Variants in PRR16 observed in about 807,000 individuals in gnomAD.
PRR16 encodes proline rich 16.
PRR16 carries 6 observed loss-of-function variants against 18.2 expected under a neutral mutation model. That is an observed-to-expected ratio of 0.33 (90% CI 0.18 to 0.65). The LOEUF is 0.65. PRR16 is among the 30% of genes least tolerant of loss of function. PRR16 has a pLI of 0.74. For synonymous variants in PRR16, 151 were observed against 147.8 expected, an observed-to-expected ratio of 1.02 and a Z score of -0.16; for missense variants, 412 against 376.6, an observed-to-expected ratio of 1.09 and a Z score of -0.78.
chr5:120,698,471 T>C, the PRR16 span, among the ~76,000 whole-genome samples: 13 of 146,636 alleles, frequency 8.9e-5, no homozygotes, highest in African/African-American at 3.3e-4. Context: ...GGTTTGGGGA[T>C]AGCACCAGGA....
chr5:120,655,388 T>TA (rs1554092374), intron 1 of PRR16, among the ~76,000 whole-genome samples: 87,597 of 143,200 alleles, frequency 0.61, 27,651 homozygotes, highest in Non-Finnish European at 0.68. Flanking sequence ...TTTTTTTTTT[T>TA]AAAAAAAAAG....
At chr5:120,524,558 G>C (rs1751291177) in intron 1 of PRR16, among the ~76,000 whole-genome samples, 1 of 151,944 alleles carries the variant, frequency 6.6e-6, no homozygotes, top group Admixed American at 6.6e-5. Flanking sequence ...GGAGGAAGTG[G>C]GGATGGTTAA....
intron 1 of PRR16, among the ~76,000 whole-genome samples, chr5:120,586,671 ATGT>A (rs1440017107): frequency 6.6e-6 from 1 of 152,092 alleles, no homozygotes. Flanking sequence ...TAATTGAGAA[ATGT>A]TGTGTATGTT....
At chr5:120,747,538 G>A in the PRR16 span, among the ~76,000 whole-genome samples, 4 of 152,218 alleles carry the variant, frequency 2.6e-5, no homozygotes, top group African/African-American at 9.6e-5. Context: ...ATGGCCAGTG[G>A]TAGATATTAC....
At position 120,474,297 on chromosome 5, in the gene PRR16, G is replaced by T. The variant is rs1416786030; in HGVS notation, c.159+9652G>T. 3.3e-5 allele frequency among the ~76,000 whole-genome samples: 5 copies of T among 152,030 alleles called. No homozygotes were observed. The East Asian group carries it at 7.7e-4, about 23-fold the overall frequency. ...TGAGTGGATAATTCTTTGTTGGGGG[G>T]ATTGTCCTGTGCATTGTAGGATGGT... On this transcript the variant is annotated intron_variant, in intron 1 of 1. Coordinates refer to ENST00000407149, the MANE Select transcript of PRR16 (RefSeq NM_001300783.2).
chr5:120,619,096 G>T (rs1017528765), intron 1 of PRR16, among the ~76,000 whole-genome samples: 10 of 152,022 alleles, frequency 6.6e-5, no homozygotes, highest in African/African-American at 2.2e-4. Context: ...ATGTTGTTTG[G>T]GGATGAAAAG....
intron 1 of PRR16, among the ~76,000 whole-genome samples, chr5:120,648,648 T>C (rs1401629606): frequency 6.6e-6 from 1 of 152,164 alleles, no homozygotes; most frequent in African/African-American, 2.4e-5. Flanking sequence ...CAAATATCTT[T>C]AAAGAGAACC....
chr5:120,766,377 A>G, the PRR16 span, among the ~76,000 whole-genome samples: 5 of 151,918 alleles, frequency 3.3e-5, no homozygotes, highest in East Asian at 9.6e-4. Context: ...AAACACATCT[A>G]TTGGCCATTT....
chr5:120,768,235 G>A, the PRR16 span, among the ~76,000 whole-genome samples: 4 of 151,646 alleles, frequency 2.6e-5, no homozygotes, highest in African/African-American at 9.7e-5. Flanking sequence ...CTTGTTTTCA[G>A]TGATTGTAGA....
chr5:120,464,975 G>C (rs1167731076), intron 1 of PRR16, among the ~76,000 whole-genome samples: 1 of 152,130 alleles, frequency 6.6e-6, no homozygotes, highest in Non-Finnish European at 1.5e-5. Context: ...AGGAAGTCGT[G>C]AGCAGCCCGG....
intron 1 of PRR16, among the ~76,000 whole-genome samples, chr5:120,588,352 C>T (rs139525373): frequency 5.3e-5 from 8 of 152,232 alleles, no homozygotes; most frequent in East Asian, 3.9e-4. Context: ...TCATGCTACA[C>T]GTAAGTCTTT....
At chr5:120,785,569 G>GTTTT in the PRR16 span, among the ~76,000 whole-genome samples, 2 of 99,606 alleles carry the variant, frequency 2.0e-5, no homozygotes, top group African/African-American at 7.6e-5. Context: ...GTGTTTTGTT[G>GTTTT]TTGTTGTTTT....
the PRR16 span, among the ~76,000 whole-genome samples, chr5:120,746,840 G>C: frequency 6.6e-6 from 1 of 152,044 alleles, no homozygotes; most frequent in Admixed American, 6.6e-5. Flanking sequence ...CACAATTTGA[G>C]AACAAATGAA....
intron 1 of PRR16, among the ~76,000 whole-genome samples, chr5:120,666,371 G>T (rs1179515664): frequency 6.6e-6 from 1 of 151,860 alleles, no homozygotes; most frequent in Non-Finnish European, 1.5e-5. Context: ...GAGACAATGG[G>T]GTTTTCTAGA....
At chr5:120,575,843 A>C (rs1561553716) in intron 1 of PRR16, among the ~76,000 whole-genome samples, 1 of 152,196 alleles carries the variant, frequency 6.6e-6, no homozygotes, top group Non-Finnish European at 1.5e-5. Context: ...TCAAATTAGC[A>C]AGGAGGAAGT....
chr5:120,485,656 T>A (rs1349504273), intron 1 of PRR16, among the ~76,000 whole-genome samples: 5 of 152,268 alleles, frequency 3.3e-5, no homozygotes, highest in African/African-American at 4.8e-5. Context: ...TTATTTTTTT[T>A]TTATTATTAT....
the PRR16 span, among the ~76,000 whole-genome samples, chr5:120,770,854 G>C: frequency 6.6e-6 from 1 of 150,860 alleles, no homozygotes; most frequent in African/African-American, 2.4e-5. Flanking sequence ...TCATCTTTTT[G>C]CAAGGACATA....
At chr5:120,785,977 TAAA>T in the PRR16 span, among the ~76,000 whole-genome samples, 1 of 148,548 alleles carries the variant, frequency 6.7e-6, no homozygotes, top group African/African-American at 2.5e-5. Context: ...AGTCATTCTT[TAAA>T]AAAAAAAGAT....
intron 1 of PRR16, among the ~76,000 whole-genome samples, chr5:120,475,039 CGAT>C (rs1404319005): frequency 6.6e-6 from 1 of 151,160 alleles, no homozygotes; most frequent in Non-Finnish European, 1.5e-5. Flanking sequence ...ATGATGATGA[CGAT>C]GATGATGATA....
Sources: gnomAD v4.1 joint callset for allele counts (sites outside exome capture counted in the v4.1 genomes callset) on GRCh38, gnomAD v4.1.1 for gene constraint, MANE v1.5 for transcripts, NCBI Gene and HGNC (gene_info 2026-07-23, HGNC 2026-07-21) for gene names.